Variants in FOCAD observed in about 807,000 individuals in gnomAD.
FOCAD encodes the protein focadhesin.
FOCAD carries 198 observed loss-of-function variants against 225.6 expected under a neutral mutation model. The observed-to-expected ratio is 0.88, with a 90% CI of 0.78 to 0.99. The LOEUF is 0.99. Ranked by LOEUF, FOCAD falls within the 50% of genes least tolerant of loss-of-function variation. The pLI is 0.00. For synonymous variants in FOCAD, 897 were observed against 755.0 expected, an observed-to-expected ratio of 1.19 and a Z score of -3.08; for missense variants, 2,713 against 2,123.6, an observed-to-expected ratio of 1.28 and a Z score of -5.46.
At chr9:20,794,847 G>C (rs1258099331) in intron 11 of FOCAD, among the ~76,000 whole-genome samples, 2 of 151,814 alleles carry the variant, frequency 1.3e-5, no homozygotes, top group Non-Finnish European at 2.9e-5. Flanking sequence ...TCTGTCTTTT[G>C]TGAGTAATGG....
chr9:20,704,149 A>C (rs1824195389), intron 1 of FOCAD, among the ~76,000 whole-genome samples: 2 of 152,094 alleles, frequency 1.3e-5, no homozygotes, highest in Admixed American at 1.3e-4. Flanking sequence ...TCATTTGAAC[A>C]TTTTCACTGT....
At chr9:20,755,451 T>C (rs775156284) in intron 5 of FOCAD, among the ~76,000 whole-genome samples, 2 of 152,224 alleles carry the variant, frequency 1.3e-5, no homozygotes, top group African/African-American at 2.4e-5. Flanking sequence ...AATCTCATTT[T>C]ATACTATTTT....
At chr9:20,745,046 C>G (rs1434365269) in intron 5 of FOCAD, among the ~76,000 whole-genome samples, 1 of 151,814 alleles carries the variant, frequency 6.6e-6, no homozygotes, top group Non-Finnish European at 1.5e-5. Flanking sequence ...TTTATTTGGT[C>G]TGAATTTTCT....
At chr9:20,857,344 T>C (rs1452523667) in intron 15 of FOCAD, among the ~76,000 whole-genome samples, 1 of 151,970 alleles carries the variant, frequency 6.6e-6, no homozygotes, top group African/African-American at 2.4e-5. Context: ...TGTATTTTAT[T>C]TTATGTGTAG....
At chr9:20,883,956 C>T (rs910589415) in intron 20 of FOCAD, among the ~76,000 whole-genome samples, 2 of 152,072 alleles carry the variant, frequency 1.3e-5, no homozygotes, top group Admixed American at 6.6e-5. Context: ...GGAGGTTCAG[C>T]TGAGAGCTTA....
chr9:20,690,250 G>A (rs1487409350), intron 1 of FOCAD, among the ~76,000 whole-genome samples: 1 of 152,148 alleles, frequency 6.6e-6, no homozygotes, highest in Non-Finnish European at 1.5e-5. Flanking sequence ...CCTTCCGAAG[G>A]ATTTGGCTCC....
exon 2 of FOCAD, chr9:20,658,807 A>C (rs1821609158): frequency 6.5e-6 from 1 of 153,734 alleles, no homozygotes; most frequent in African/African-American, 2.4e-5. Context: ...CCTCCCTGCA[A>C]CTAACTCCAT....
Position 20,926,295 on chromosome 9 carries a change from C to G in FOCAD, c.2962-6C>G. ...TAATCATTTCATGTTTTTAATTCAT[C>G]TGCAGGTTCAACCTAATTTCCTTTC... is the stretch of plus-strand genomic sequence containing the variant. On this transcript the variant is annotated splice_polypyrimidine_tract_variant and splice_region_variant and intron_variant, in intron 25 of 43. Coordinates refer to ENST00000338382, the MANE Select transcript of FOCAD (RefSeq NM_001375567.1). 1 of 1,497,196 alleles carries G rather than the reference C, an allele frequency of 6.7e-7. No homozygotes were observed. Among genetic ancestry groups the G allele is most frequent in the Non-Finnish European group, 9.3e-7 (1 of 1,074,556 alleles). The allele number at this position is 1,497,196 out of a possible 1,614,324, so 92.7% of individuals were successfully genotyped here.
At chr9:20,946,937 G>T in intron 30 of FOCAD, 117 bp downstream of exon 30, 1 of 1,295,814 alleles carries the variant, frequency 7.7e-7, no homozygotes. Flanking sequence ...TAGAACTGAG[G>T]AACTTCTAAC....
At chr9:20,722,903 C>A (rs1439886663) in intron 4 of FOCAD, among the ~76,000 whole-genome samples, 1 of 152,026 alleles carries the variant, frequency 6.6e-6, no homozygotes, top group Non-Finnish European at 1.5e-5. Flanking sequence ...AATGTAATTG[C>A]ATTGTGTAGT....
At position 20,867,905 on chromosome 9, in the gene FOCAD, A is replaced by G. The variant is rs575082422; in HGVS notation, c.2190+893A>G. Among the ~76,000 whole-genome samples, 11 of 152,238 alleles carry G rather than the reference A, an allele frequency of 7.2e-5. No homozygotes were observed. The South Asian group carries it at 2.3e-3, about 32-fold the overall frequency. On this transcript the variant is annotated intron_variant, in intron 18 of 43. Transcript: ENST00000338382. ...GTTTATACTGAGATTAGATGCCAGT[A>G]GGAACCAGGCAAATTTCTGTTTACT...
intron 15 of FOCAD, among the ~76,000 whole-genome samples, chr9:20,854,988 A>G (rs1481675299): frequency 2.0e-5 from 3 of 151,828 alleles, no homozygotes; most frequent in Non-Finnish European, 4.4e-5. Flanking sequence ...ATTAATATTT[A>G]TTTTAAGTTA....
intron 6 of FOCAD, among the ~76,000 whole-genome samples, chr9:20,764,316 C>G (rs1245867386): frequency 6.6e-6 from 1 of 152,082 alleles, no homozygotes; most frequent in Non-Finnish European, 1.5e-5. Context: ...TGCAGTGGAG[C>G]AATCTTGGCT....
At chr9:20,904,832 A>C (rs1832826460) in intron 21 of FOCAD, among the ~76,000 whole-genome samples, 1 of 152,086 alleles carries the variant, frequency 6.6e-6, no homozygotes, top group South Asian at 2.1e-4. Flanking sequence ...GCTTCTCACA[A>C]GTATAGCAAA....
rs530951316 is a variant in FOCAD at position 20,693,398 on chromosome 9, C to T, written c.-33+9105C>T. 2.6e-5 allele frequency among the ~76,000 whole-genome samples: 4 copies of T among 152,300 alleles called. No individual in the cohort carries two copies. The South Asian group carries it at 8.3e-4, about 32-fold the overall frequency. On this transcript the variant is annotated intron_variant, in intron 1 of 43. Coordinates refer to ENST00000338382, the MANE Select transcript of FOCAD (RefSeq NM_001375567.1). The stretch of plus-strand genomic sequence containing the variant: ...TCTCTCTCTAATACTGTCTATCCTC[C>T]ACTCTGGTTTACTTTTATCCATAGC...
At position 20,990,195 on chromosome 9, in the gene FOCAD, C is replaced by T. The variant is rs1453038189; in HGVS notation, c.5077C>T (p.Leu1693Phe). 1.9e-6 allele frequency: 3 copies of T among 1,614,234 alleles called. No homozygotes were observed. The highest frequency in any genetic ancestry group is 2.2e-5 in the South Asian group (2 of 91,088). Residue 1693 changes from leucine (L) to phenylalanine (F), a missense_variant, in exon 42 of 44, where the codon CTC becomes TTC. Transcript: ENST00000338382. ...AWADHTAPLLLGLSASWLPWH... is the reference protein window; with the variant it reads ...AWADHTAPLLFGLSASWLPWH... ...GGCTGACCACACTGCCCCTCTCCTC[C>T]TCGGCCTCAGTGCCAGTTGGTTGCC... is the stretch of plus-strand genomic sequence containing the variant.
At chr9:20,730,973 C>A (rs922130999) in intron 4 of FOCAD, among the ~76,000 whole-genome samples, 9 of 152,270 alleles carry the variant, frequency 5.9e-5, no homozygotes, top group African/African-American at 1.9e-4. Context: ...CAGTGGCTCA[C>A]GCCTGTAATC....
In FOCAD at chr9:20,720,541, T is replaced by C. The variant is rs755112245; in HGVS notation, c.287+7T>C. ...ACTTGATTCCATCAACCAGGTACTTTTTCCTCAGTGTTTGGTCAGTTAATG... is the reference window on the plus strand; with the variant it reads ...ACTTGATTCCATCAACCAGGTACTTCTTCCTCAGTGTTTGGTCAGTTAATG... On this transcript the variant is annotated splice_region_variant and intron_variant, in intron 4 of 43. Coordinates refer to ENST00000338382, the MANE Select transcript of FOCAD (RefSeq NM_001375567.1). 3 of 1,613,284 alleles carry C rather than the reference T, an allele frequency of 1.9e-6. No homozygotes were observed. Among genetic ancestry groups the C allele is most frequent in the Non-Finnish European group, 2.5e-6 (3 of 1,179,680 alleles).
chr9:20,836,883 A>G (rs1469769395), intron 15 of FOCAD, among the ~76,000 whole-genome samples: 3 of 152,060 alleles, frequency 2.0e-5, no homozygotes. Flanking sequence ...CTGCTCTTTA[A>G]TTGATTGTTT....
Sources: gnomAD v4.1 joint callset for allele counts (sites outside exome capture counted in the v4.1 genomes callset) on GRCh38, gnomAD v4.1.1 for gene constraint, MANE v1.5 for transcripts, NCBI Gene and HGNC (gene_info 2026-07-23, HGNC 2026-07-21) for gene names.